PCSK6: variants seen among roughly 807,000 people sequenced by gnomAD.
The protein encoded by PCSK6 is proprotein convertase subtilisin/kexin type 6.
PCSK6 carries 85 observed loss-of-function variants against 123.3 expected under a neutral mutation model. The ratio of observed to expected loss-of-function variants is 0.69; its 90% CI spans 0.58 to 0.83. The LOEUF (loss-of-function observed/expected upper bound fraction) is 0.83, where lower values mean the gene tolerates loss of function less well. PCSK6 is among the 40% of genes least tolerant of loss of function. The pLI is 0.00. For synonymous variants in PCSK6, 508 were observed against 516.0 expected (o/e 0.98, Z 0.21); for missense variants, 1,191 against 1,282.3 (o/e 0.93, Z 1.09).
At chr15:101,339,910 A>AATATATAT (rs113117643) in intron 13 of PCSK6, among the ~76,000 whole-genome samples, 13 of 146,948 alleles carry the variant, frequency 8.8e-5, no homozygotes, top group South Asian at 6.5e-4. Flanking sequence ...ACCCTTTCTC[A>AATATATAT]ATATATATAT....
At chr15:101,324,088 C>T (rs78547637) in intron 17 of PCSK6, among the ~76,000 whole-genome samples, 3,905 of 152,320 alleles carry the variant, frequency 0.026, 110 homozygotes, top group East Asian at 0.12. Flanking sequence ...CCTGGCCTTG[C>T]GGCTCTGAGT....
intron 6 of PCSK6, among the ~76,000 whole-genome samples, chr15:101,418,726 C>T (rs568522150): frequency 2.9e-4 from 44 of 152,058 alleles, no homozygotes; most frequent in Admixed American, 5.2e-4. Flanking sequence ...TTGGCCAGGC[C>T]GGTCTCGAGC....
intron 1 of PCSK6, among the ~76,000 whole-genome samples, chr15:101,456,401 T>C (rs912306610): frequency 3.3e-5 from 5 of 152,210 alleles, no homozygotes; most frequent in Non-Finnish European, 7.3e-5. Flanking sequence ...CTGGAACCCT[T>C]GTCCTTGTTT....
At chr15:101,471,666 A>T (rs528631629) in intron 1 of PCSK6, among the ~76,000 whole-genome samples, 1 of 152,370 alleles carries the variant, frequency 6.6e-6, no homozygotes, top group Non-Finnish European at 1.5e-5. Context: ...ATGATGAAAC[A>T]AGCAAAAGTA....
intron 20 of PCSK6, among the ~76,000 whole-genome samples, chr15:101,310,921 C>G (rs866472817): frequency 2.0e-4 from 30 of 152,256 alleles, no homozygotes; most frequent in African/African-American, 6.0e-4. Context: ...GACGGAAGCC[C>G]CCCGATATGG....
intron 7 of PCSK6, among the ~76,000 whole-genome samples, chr15:101,397,951 C>A (rs1418492528): frequency 5.3e-5 from 8 of 152,244 alleles, no homozygotes; most frequent in African/African-American, 7.2e-5. Context: ...ACCACTGCTT[C>A]CTGCTGCAGC....
intron 2 of PCSK6, among the ~76,000 whole-genome samples, chr15:101,434,675 C>T (rs1015303950): frequency 2.6e-5 from 4 of 152,224 alleles, no homozygotes; most frequent in Non-Finnish European, 5.9e-5. Context: ...AAGTCTCTGA[C>T]GGCAAGTGAG....
Position 101,478,400 on chromosome 15 carries a change from C to T in PCSK6, c.297+10974G>A, listed in dbSNP as rs371352953. Among the ~76,000 whole-genome samples the T allele has an allele frequency of 1.9e-4, 29 of 152,266 alleles. No individual in the cohort carries two copies. In the East Asian group the frequency reaches 3.9e-3, roughly 20 times the overall value. On this transcript the variant is annotated intron_variant, in intron 1 of 21. Coordinates refer to ENST00000611716, the MANE Select transcript of PCSK6 (RefSeq NM_002570.5). ...CGTGTGGGGACAGAGAGGCTGAGTA[C>T]AGGCACGAGCCAGACTGCTTCTTTA...
At chr15:101,378,393 A>C (rs978070813) in intron 11 of PCSK6, among the ~76,000 whole-genome samples, 1 of 151,920 alleles carries the variant, frequency 6.6e-6, no homozygotes, top group Non-Finnish European at 1.5e-5. Context: ...ATCCTGGAGG[A>C]CTCTAGCAAG....
chr15:101,313,222 G>T lies in PCSK6; in HGVS notation c.2699+154C>A, dbSNP rs1181951392. ...GCATCCAGTGAACAAAGGGACGAAGGCCCCTCAGCAGCTCTGTAAATGGGC... is the reference window on the plus strand; with the variant it reads ...GCATCCAGTGAACAAAGGGACGAAGTCCCCTCAGCAGCTCTGTAAATGGGC... On this transcript the variant is annotated intron_variant, in intron 20 of 21. Coordinates refer to ENST00000611716, the MANE Select transcript of PCSK6 (RefSeq NM_002570.5). 12 of 1,543,444 alleles carry T rather than the reference G, an allele frequency of 7.8e-6. No individual in the cohort carries two copies. In the East Asian group the frequency reaches 2.5e-4, roughly 32 times the overall value.
chr15:101,353,051 A>AT (rs2040939886), intron 13 of PCSK6, among the ~76,000 whole-genome samples: 1 of 152,222 alleles, frequency 6.6e-6, no homozygotes, highest in South Asian at 2.1e-4. Flanking sequence ...TTTCGGGGTG[A>AT]TTCAAGCACA....
intron 6 of PCSK6, among the ~76,000 whole-genome samples, chr15:101,419,867 G>T (rs548944988): frequency 6.6e-6 from 1 of 151,898 alleles, no homozygotes; most frequent in African/African-American, 2.4e-5. Context: ...ACTACTCACA[G>T]AAATAAATTC....
intron 4 of PCSK6, 64 bp from the exon 5 acceptor site, chr15:101,430,127 T>C (rs1354680652): frequency 2.2e-6 from 3 of 1,336,796 alleles, no homozygotes; most frequent in Non-Finnish European, 3.2e-6. Flanking sequence ...TGAAATGGAT[T>C]TTATGTTCCG....
At position 101,382,201 on chromosome 15, in the gene PCSK6, AAT is replaced by A; in HGVS notation, c.1421_1422del (p.His474LeufsTer107). ...KVNGAGHKVS[H>X]FYGFGLVDAE... The stretch of plus-strand genomic sequence containing the variant: ...GCGTCCACCAAACCAAATCCATAGA[AAT>A]GGCTAACTGAAAAGACAGGCCCTTC... On this transcript the variant is annotated frameshift_variant, in exon 11 of 22. Coordinates refer to ENST00000611716, the MANE Select transcript of PCSK6 (RefSeq NM_002570.5). LOFTEE classifies it high-confidence loss of function. 9.3e-6 allele frequency: 15 copies of A among 1,610,094 alleles called. No homozygotes were observed. The highest frequency in any genetic ancestry group is 1.3e-5 in the Non-Finnish European group (15 of 1,178,162).
chr15:101,306,155 G>A (rs1294282318), intron 21 of PCSK6, among the ~76,000 whole-genome samples: 7 of 152,064 alleles, frequency 4.6e-5, no homozygotes, highest in African/African-American at 9.7e-5. Context: ...GAAGGGAGCC[G>A]CCGTGGACAG....
At chr15:101,367,389 A>G (rs3784507) in intron 12 of PCSK6, among the ~76,000 whole-genome samples, 7,404 of 152,304 alleles carry the variant, frequency 0.049, 417 homozygotes, top group African/African-American at 0.14. Flanking sequence ...ATTGAAATAC[A>G]TAAGTTTTGA....
chr15:101,407,026 G>A (rs78494787), intron 6 of PCSK6, among the ~76,000 whole-genome samples: 6 of 152,090 alleles, frequency 3.9e-5, no homozygotes, highest in Admixed American at 6.5e-5. Flanking sequence ...GCTGTGTCAC[G>A]GACACAGGTG....
At chr15:101,485,639 C>T (rs1024677845) in intron 1 of PCSK6, among the ~76,000 whole-genome samples, 2 of 152,142 alleles carry the variant, frequency 1.3e-5, no homozygotes, top group African/African-American at 4.8e-5. Flanking sequence ...TAGTAAATAG[C>T]CCATCCTTCC....
At chr15:101,349,160 G>C (rs2040826570) in intron 13 of PCSK6, among the ~76,000 whole-genome samples, 2 of 152,160 alleles carry the variant, frequency 1.3e-5, no homozygotes, top group Non-Finnish European at 2.9e-5. Flanking sequence ...AAGCCCTGTG[G>C]GAACTTCCTG....
Sources: allele counts gnomAD v4.1 joint callset (sites outside exome capture counted in the v4.1 genomes callset), GRCh38; gene constraint gnomAD v4.1.1; transcripts MANE v1.5; gene names NCBI Gene and HGNC (gene_info 2026-07-23, HGNC 2026-07-21).